Variants in GALNT8 observed in about 807,000 individuals in gnomAD.
The protein encoded by GALNT8 is probable polypeptide N-acetylgalactosaminyltransferase 8.
A neutral mutation model predicts 62.7 loss-of-function variants in GALNT8; 66 were observed. That is an observed-to-expected ratio of 1.05 (90% CI 0.86 to 1.29). The LOEUF (loss-of-function observed/expected upper bound fraction) is 1.29, where lower values mean the gene tolerates loss of function less well. Ranked by LOEUF, GALNT8 falls within the 50% of genes most tolerant of loss-of-function variation. GALNT8 has a pLI of 0.00. For synonymous variants in GALNT8, 288 were observed against 294.3 expected (o/e 0.98, Z 0.22); for missense variants, 771 against 791.8 (o/e 0.97, Z 0.32).
At chr12:4,724,124 GGGT>G (rs1565582939) in intron 1 of GALNT8, among the ~76,000 whole-genome samples, 2 of 142,920 alleles carry the variant, frequency 1.4e-5, no homozygotes, top group African/African-American at 5.2e-5. Context: ...ACTCCAGCCC[GGGT>G]GACAGAGCGA....
At chr12:4,745,757 C>T in intron 5 of GALNT8, 131 bp downstream of exon 5, 1 of 698,806 alleles carries the variant, frequency 1.4e-6, no homozygotes, top group Non-Finnish European at 2.5e-6. Flanking sequence ...AGGTGAAGGA[C>T]AAGGGATAGA....
intron 10 of GALNT8, among the ~76,000 whole-genome samples, chr12:4,770,021 G>A (rs554115281): frequency 1.2e-4 from 19 of 152,156 alleles, no homozygotes; most frequent in African/African-American, 2.6e-4. Flanking sequence ...CAAAATGGCC[G>A]GGCACGGTGG....
chr12:4,759,858 T>C (rs1946363735), intron 6 of GALNT8, among the ~76,000 whole-genome samples: 1 of 152,126 alleles, frequency 6.6e-6, no homozygotes, highest in African/African-American at 2.4e-5. Flanking sequence ...GTCGATCCAA[T>C]ATGATTAAAT....
At chr12:4,764,530 A>ATTTTTTTTT (rs58809573) in intron 9 of GALNT8, among the ~76,000 whole-genome samples, 5 of 102,246 alleles carry the variant, frequency 4.9e-5, no homozygotes, top group East Asian at 3.1e-4. Flanking sequence ...CAGTCAGGGG[A>ATTTTTTTTT]TTTTTTTTTT....
In GALNT8 at chr12:4,726,197, T is replaced by C. The variant is rs1443809659; in HGVS notation, c.212-335T>C. ...AAAAATCACAACTGATTGATTCTGA[T>C]GTAAGTGGTTCTCAGGCCTCATTCT... On this transcript the variant is annotated intron_variant, in intron 1 of 10. Coordinates refer to ENST00000252318, the MANE Select transcript of GALNT8 (RefSeq NM_017417.2). The surrounding 1 kb of genome is among the most constrained non-coding windows in gnomAD (Gnocchi z 4.1). Among the ~76,000 whole-genome samples the C allele has an allele frequency of 6.6e-6, 1 of 152,190 alleles. No homozygotes were observed. Among genetic ancestry groups the C allele is most frequent in the African/African-American group, 2.4e-5 (1 of 41,450 alleles).
Position 4,744,591 on chromosome 12 carries a change from C to G in GALNT8, c.751C>G (p.Arg251Gly). 6.2e-7 allele frequency: 1 copy of G among 1,611,742 alleles called. No individual in the cohort carries two copies. The highest frequency in any genetic ancestry group is 8.5e-7 in the Non-Finnish European group (1 of 1,177,996). Residue 251 changes from arginine (R) to glycine (G), a missense_variant, in exon 4 of 11, where the codon CGG (arginine) becomes GGG (glycine). Physicochemically the swap from Arg to Gly is moderately radical, Grantham distance 125. Coordinates refer to ENST00000252318, the MANE Select transcript of GALNT8 (RefSeq NM_017417.2). ...GTATCCAGGACTACTGAAAATAATA[C>G]GGCATCCTGAAAGGAAAGGTCTTGC... ...QKYPGLLKII[R>G]HPERKGLAQA...
intron 1 of GALNT8, among the ~76,000 whole-genome samples, chr12:4,722,106 A>G (rs71459918): frequency 0.13 from 19,691 of 152,186 alleles, 1,478 homozygotes; most frequent in Middle Eastern, 0.2. Context: ...AAGGCAGAAG[A>G]ATTTTTCTTA....
chr12:4,772,544 G>A lies in GALNT8; in HGVS notation c.1861G>A (p.Val621Met), dbSNP rs747196334. The A allele has an allele frequency of 8.7e-6, 14 of 1,613,868 alleles. No individual in the cohort carries two copies. In the East Asian group the frequency reaches 2.7e-4, roughly 31 times the overall value. The change falls in exon 11 of 11, where the codon GTG becomes ATG. Residue 621 changes from valine (V) to methionine (M), a missense_variant. Transcript: ENST00000252318. Reference sequence around the variant, plus strand: ...TGTGCTCCAGACCTGTAGCACGCAAGTGTGGGAAATCCAGCACACTGTCAG... The same window carrying A: ...TGTGCTCCAGACCTGTAGCACGCAAATGTGGGAAATCCAGCACACTGTCAG... Reference protein sequence around the residue: ...VLVLQTCSTQVWEIQHTVRDW... With the variant: ...VLVLQTCSTQMWEIQHTVRDW...
intron 6 of GALNT8, among the ~76,000 whole-genome samples, chr12:4,754,902 G>T (rs1191161616): frequency 6.6e-6 from 1 of 152,158 alleles, no homozygotes; most frequent in Non-Finnish European, 1.5e-5. Context: ...GGGAGCTAGG[G>T]CCTGGACCAG....
At chr12:4,752,379 A>T (rs1591571160) in intron 6 of GALNT8, among the ~76,000 whole-genome samples, 1 of 150,518 alleles carries the variant, frequency 6.6e-6, no homozygotes. Context: ...TTCTCTGTTG[A>T]TATGATTTAG....
intron 4 of GALNT8, among the ~76,000 whole-genome samples, chr12:4,745,179 C>T (rs992454806): frequency 3.3e-5 from 5 of 152,122 alleles, no homozygotes; most frequent in African/African-American, 7.2e-5. Flanking sequence ...TGCTTCACAA[C>T]GGCCTGGGGG....
intron 3 of GALNT8, among the ~76,000 whole-genome samples, chr12:4,739,832 T>C (rs1946263740): frequency 6.6e-6 from 1 of 151,856 alleles, no homozygotes; most frequent in East Asian, 1.9e-4. Context: ...ACCCAGCTTA[T>C]TTTTTTGTAT....
intron 8 of GALNT8, 133 bp from the exon 9 acceptor site, chr12:4,763,819 C>T (rs1946384680): frequency 3.0e-6 from 2 of 658,666 alleles, no homozygotes; most frequent in Non-Finnish European, 5.6e-6. Flanking sequence ...TGCCGGGATC[C>T]CAGCCCTCTG....
intron 6 of GALNT8, among the ~76,000 whole-genome samples, chr12:4,754,081 G>A (rs1310607368): frequency 2.6e-5 from 4 of 152,278 alleles, no homozygotes; most frequent in East Asian, 1.9e-4. Flanking sequence ...AGCTGGGGGT[G>A]GAGTGACACA....
At chr12:4,739,387 C>T (rs1946260910) in intron 3 of GALNT8, 58 bp downstream of exon 3, 7 of 1,440,726 alleles carry the variant, frequency 4.9e-6, no homozygotes, top group African/African-American at 1.4e-5. Context: ...CTGTGCTTGG[C>T]TGGAAAGAGG....
At position 4,744,570 on chromosome 12, in the gene GALNT8, C is replaced by G. The variant is rs1487738949; in HGVS notation, c.730C>G (p.Pro244Ala). 3 of 1,612,296 alleles carry G rather than the reference C, an allele frequency of 1.9e-6. No individual in the cohort carries two copies. The highest frequency in any genetic ancestry group is 2.5e-6 in the Non-Finnish European group (3 of 1,178,586). ...GATTAAGCTTTACAACCAGAAGTATCCAGGACTACTGAAAATAATACGGCA... is the reference window on the plus strand; with the variant it reads ...GATTAAGCTTTACAACCAGAAGTATGCAGGACTACTGAAAATAATACGGCA... ...EKIKLYNQKY[P>A]GLLKIIRHPE... The change falls in exon 4 of 11, where the codon CCA (proline) becomes GCA (alanine). Residue 244 changes from proline (P) to alanine (A), a missense_variant. Coordinates refer to ENST00000252318, the MANE Select transcript of GALNT8 (RefSeq NM_017417.2).
rs748666877 is a variant in GALNT8 at position 4,720,765 on chromosome 12, A to T, written c.88A>T (p.Lys30Ter). The change falls in exon 1 of 11, where the codon AAG becomes TAG. Residue 30 changes from lysine to a stop codon, truncating the protein, a stop_gained. Coordinates refer to ENST00000252318, the MANE Select transcript of GALNT8 (RefSeq NM_017417.2). LOFTEE classifies it high-confidence loss of function. ...CAATCTCCTTCTGGTATTTTCTAGCAAGGGGACTTTACAAAACCTGTTTAC... is the reference window on the plus strand; with the variant it reads ...CAATCTCCTTCTGGTATTTTCTAGCTAGGGGACTTTACAAAACCTGTTTAC... ...AVNLLLVFSS[K>*]GTLQNLFTGG... The T allele has an allele frequency of 1.2e-6, 2 of 1,613,180 alleles. No homozygotes were observed. The highest frequency in any genetic ancestry group is 3.3e-5 in the Admixed American group (2 of 60,012).
intron 2 of GALNT8, among the ~76,000 whole-genome samples, chr12:4,733,945 C>A (rs2137523057): frequency 1.3e-5 from 2 of 152,348 alleles, no homozygotes; most frequent in Middle Eastern, 6.8e-3. Context: ...AGCTGATCCA[C>A]TTCTTTTTCT....
At chr12:4,758,869 C>T (rs1370988258) in intron 6 of GALNT8, among the ~76,000 whole-genome samples, 1 of 151,934 alleles carries the variant, frequency 6.6e-6, no homozygotes, top group Non-Finnish European at 1.5e-5. Context: ...CTCCACCTCC[C>T]AGGTTCAAGT....
Sources: allele counts gnomAD v4.1 joint callset (sites outside exome capture counted in the v4.1 genomes callset), GRCh38; gene constraint gnomAD v4.1.1; non-coding constraint Gnocchi (gnomAD v3.1); transcripts MANE v1.5; gene names NCBI Gene and HGNC (gene_info 2026-07-23, HGNC 2026-07-21).